GABBR2: variants seen among roughly 807,000 people sequenced by gnomAD.
GABBR2 encodes G-protein coupled receptor 51.
Under a neutral mutation model 105.6 loss-of-function variants are expected in GABBR2, and 23 were observed. The observed-to-expected ratio is 0.22, with a 90% CI of 0.16 to 0.31. GABBR2 has a LOEUF of 0.31. GABBR2 is among the 10% of genes least tolerant of loss of function. The pLI is 1.00. For synonymous variants in GABBR2, 478 were observed against 499.7 expected, an observed-to-expected ratio of 0.96 and a Z score of 0.58; for missense variants, 734 against 1,245.5, an observed-to-expected ratio of 0.59 and a Z score of 6.18.
At chr9:98,621,241 C>T (rs1829666569) in intron 1 of GABBR2, among the ~76,000 whole-genome samples, 3 of 152,272 alleles carry the variant, frequency 2.0e-5, no homozygotes, top group South Asian at 4.1e-4. Context: ...ACAGCTTGGC[C>T]GAGGTTACAG....
Position 98,395,829 on chromosome 9 carries a change from C to T in GABBR2, c.1298-1574G>A, listed in dbSNP as rs530370251. The stretch of plus-strand genomic sequence containing the variant: ...AGTGAGTTTGAGGGCAGGGATAGGG[C>T]CCCCAGGGAAGAGCAGGCTTGAGAA... On this transcript the variant is annotated intron_variant, in intron 8 of 18. Transcript: ENST00000259455. Among the ~76,000 whole-genome samples the T allele has an allele frequency of 1.4e-4, 22 of 152,106 alleles. No individual in the cohort carries two copies. In the South Asian group the frequency reaches 4.6e-3, roughly 32 times the overall value.
intron 3 of GABBR2, among the ~76,000 whole-genome samples, chr9:98,501,134 C>A (rs866547690): frequency 6.9e-5 from 10 of 145,234 alleles, no homozygotes; most frequent in Admixed American, 2.1e-4. Context: ...TGCCCCCCCC[C>A]CTTCCCCGCC....
At chr9:98,640,942 G>A (rs528048571) in intron 1 of GABBR2, among the ~76,000 whole-genome samples, 20 of 152,186 alleles carry the variant, frequency 1.3e-4, no homozygotes, top group South Asian at 6.2e-4. Context: ...CAGTTTCCCC[G>A]TTTGCAAAAT....
intron 9 of GABBR2, among the ~76,000 whole-genome samples, chr9:98,390,002 T>C (rs1832150535): frequency 6.6e-6 from 1 of 152,062 alleles, no homozygotes; most frequent in South Asian, 2.1e-4. Flanking sequence ...AAGGGGCAGA[T>C]GTGGTAGCAG....
chr9:98,407,627 G>T (rs555380792), intron 7 of GABBR2, among the ~76,000 whole-genome samples: 1 of 152,230 alleles, frequency 6.6e-6, no homozygotes, highest in South Asian at 2.1e-4. Flanking sequence ...TCCACAAGGA[G>T]AAATTTTTTT....
intron 1 of GABBR2, among the ~76,000 whole-genome samples, chr9:98,627,119 A>C (rs1397202702): frequency 6.6e-6 from 1 of 152,130 alleles, no homozygotes; most frequent in Non-Finnish European, 1.5e-5. Context: ...GATCAGCTTC[A>C]CGGAGGCCAG....
chr9:98,682,371 T>G (rs1830561636), intron 1 of GABBR2, among the ~76,000 whole-genome samples: 1 of 128,234 alleles, frequency 7.8e-6, no homozygotes, highest in South Asian at 2.9e-4. Context: ...ACCATCTTTT[T>G]TTTTTTTTTT....
At chr9:98,491,800 G>A (rs1408577332) in intron 4 of GABBR2, among the ~76,000 whole-genome samples, 1 of 152,086 alleles carries the variant, frequency 6.6e-6, no homozygotes, top group Non-Finnish European at 1.5e-5. Context: ...AAAATTATAT[G>A]TAATTTTTGC....
At chr9:98,637,847 T>G (rs1360733314) in intron 1 of GABBR2, among the ~76,000 whole-genome samples, 1 of 152,188 alleles carries the variant, frequency 6.6e-6, no homozygotes, top group Non-Finnish European at 1.5e-5. Context: ...TTGTGTTTGT[T>G]CAAGCCACTA....
chr9:98,616,647 G>A (rs772671750), intron 1 of GABBR2, among the ~76,000 whole-genome samples: 1 of 151,932 alleles, frequency 6.6e-6, no homozygotes, highest in Non-Finnish European at 1.5e-5. Flanking sequence ...CCTGCTACTC[G>A]GGAGGCTGAG....
At chr9:98,537,633 T>C (rs1828208651) in intron 3 of GABBR2, among the ~76,000 whole-genome samples, 1 of 151,984 alleles carries the variant, frequency 6.6e-6, no homozygotes, top group Non-Finnish European at 1.5e-5. Flanking sequence ...GACAGGGCTT[T>C]GTCATGTTCT....
chr9:98,306,650 C>A lies in GABBR2; in HGVS notation c.2005-305G>T. On this transcript the variant is annotated intron_variant, in intron 14 of 18. Transcript: ENST00000259455. This position sits in a 1 kb window ranked among gnomAD's most constrained non-coding sequence, Gnocchi z 5.4. ...AGTGGAAGGGAACTTCAGATAAGATCTCAGCTTTCTCCCTCACTCTCTAGG... is the reference window on the plus strand; with the variant it reads ...AGTGGAAGGGAACTTCAGATAAGATATCAGCTTTCTCCCTCACTCTCTAGG... 2.3e-6 allele frequency: 1 copy of A among 431,178 alleles called. No homozygotes were observed. The highest frequency in any genetic ancestry group is 4.3e-6 in the Non-Finnish European group (1 of 233,542). 26.7% of individuals were successfully genotyped at this position (431,178 alleles called of 1,614,324 possible).
chr9:98,532,865 C>A (rs1274518029), intron 3 of GABBR2, among the ~76,000 whole-genome samples: 2 of 152,110 alleles, frequency 1.3e-5, no homozygotes, highest in Non-Finnish European at 2.9e-5. Flanking sequence ...CCCAGGATGA[C>A]AAATTCAGGA....
chr9:98,299,380 C>A, intron 16 of GABBR2, 27 bp from the exon 17 acceptor site: 1 of 1,613,416 alleles, frequency 6.2e-7, no homozygotes, highest in South Asian at 1.1e-5. Flanking sequence ...CCAGTTGAGT[C>A]AGGTCCCTGG....
intron 11 of GABBR2, among the ~76,000 whole-genome samples, chr9:98,383,789 C>T (rs188449639): frequency 2.3e-4 from 35 of 152,322 alleles, no homozygotes; most frequent in Admixed American, 1.5e-3. Flanking sequence ...ATCCCCTAGA[C>T]TGTAAGATCT....
At position 98,607,624 on chromosome 9, in the gene GABBR2, C is replaced by T. The variant is rs1021657583; in HGVS notation, c.322-29552G>A. ...CAAAATGATCAGAGGAAAGCAGCAT[C>T]CTTGGGGTATTGCTGAAGTTGAAAA... On this transcript the variant is annotated intron_variant, in intron 1 of 18. Transcript: ENST00000259455. The T allele has an allele frequency of 7.0e-6, 5 of 718,094 alleles. No homozygotes were observed. The African/African-American group carries it at 7.0e-5, about 10-fold the overall frequency. 44.5% of individuals were successfully genotyped at this position (718,094 alleles called of 1,614,324 possible). A position where few individuals can be genotyped will look rare whatever the true frequency, so the allele number is the denominator to read the frequency against.
intron 6 of GABBR2, among the ~76,000 whole-genome samples, chr9:98,455,837 T>C (rs1400669693): frequency 1.3e-5 from 2 of 152,176 alleles, no homozygotes; most frequent in Non-Finnish European, 2.9e-5. Flanking sequence ...CTGTGAACCT[T>C]GCAGGCAATG....
chr9:98,310,639 C>T (rs1248173380), intron 14 of GABBR2, among the ~76,000 whole-genome samples: 2 of 152,142 alleles, frequency 1.3e-5, no homozygotes, highest in African/African-American at 4.8e-5. Context: ...ATCATTTAAC[C>T]TCTCTGAGGC....
At chr9:98,414,523 A>G (rs1342218549) in intron 7 of GABBR2, among the ~76,000 whole-genome samples, 2 of 152,356 alleles carry the variant, frequency 1.3e-5, no homozygotes, top group East Asian at 3.9e-4. Flanking sequence ...CAAGAGGAGC[A>G]ACTGAAGGGT....
Sources: gnomAD v4.1 joint callset for allele counts (sites outside exome capture counted in the v4.1 genomes callset) on GRCh38, gnomAD v4.1.1 for gene constraint, Gnocchi (gnomAD v3.1) non-coding constraint, MANE v1.5 for transcripts, NCBI Gene and HGNC (gene_info 2026-07-23, HGNC 2026-07-21) for gene names.